Variants in ZBTB16 observed in about 807,000 individuals in gnomAD.
The protein encoded by ZBTB16 is zinc finger and BTB domain containing 16.
In ZBTB16, 8 loss-of-function variants were observed where a neutral mutation model predicts 56.8. The observed-to-expected ratio is 0.14, with a 90% CI of 0.08 to 0.25. The LOEUF (loss-of-function observed/expected upper bound fraction) is 0.25, where lower values mean the gene tolerates loss of function less well. Among genes scored for constraint, ZBTB16 ranks in the 10% least tolerant of loss-of-function variants. The pLI, the probability that ZBTB16 is intolerant of heterozygous loss-of-function variation, is 1.00. For synonymous variants in ZBTB16, 363 were observed against 368.5 expected, an observed-to-expected ratio of 0.98 and a Z score of 0.17; for missense variants, 625 against 903.0, an observed-to-expected ratio of 0.69 and a Z score of 3.95.
At chr11:114,115,235 C>T (rs556885999) in intron 2 of ZBTB16, among the ~76,000 whole-genome samples, 57 of 152,000 alleles carry the variant, frequency 3.8e-4, no homozygotes, top group African/African-American at 1.1e-3. Context: ...TGAGCAGGGA[C>T]GGTGTATGTC....
chr11:114,247,511 G>T, intron 6 of ZBTB16, 146 bp downstream of exon 6: 1 of 1,178,410 alleles, frequency 8.5e-7, no homozygotes, highest in Non-Finnish European at 1.2e-6. Flanking sequence ...TGGTATGGTG[G>T]CCTGAGGACC....
At chr11:114,134,454 C>T (rs930255007) in intron 2 of ZBTB16, among the ~76,000 whole-genome samples, 1 of 151,982 alleles carries the variant, frequency 6.6e-6, no homozygotes, top group Non-Finnish European at 1.5e-5. Context: ...GGCTTAGAAG[C>T]TCATTTGTCT....
At chr11:114,085,910 C>T (rs551008767) in intron 2 of ZBTB16, among the ~76,000 whole-genome samples, 6 of 152,164 alleles carry the variant, frequency 3.9e-5, no homozygotes, top group Admixed American at 2.6e-4. Context: ...TGGATCATTG[C>T]GATATTATTG....
intron 4 of ZBTB16, among the ~76,000 whole-genome samples, chr11:114,233,103 A>G (rs1215420472): frequency 9.5e-5 from 4 of 42,018 alleles, no homozygotes; most frequent in South Asian, 1.1e-3. Flanking sequence ...ACACACACAC[A>G]CACACACACA....
At chr11:114,231,351 A>G (rs1472616259) in intron 4 of ZBTB16, among the ~76,000 whole-genome samples, 1 of 151,964 alleles carries the variant, frequency 6.6e-6, no homozygotes, top group Non-Finnish European at 1.5e-5. Flanking sequence ...GGTCTTCTCT[A>G]TCATTCTGCT....
chr11:114,239,224 C>T (rs1235459431), intron 4 of ZBTB16, among the ~76,000 whole-genome samples: 1 of 152,158 alleles, frequency 6.6e-6, no homozygotes, highest in Non-Finnish European at 1.5e-5. Context: ...GCTGAGATGT[C>T]CTATTGGGAA....
chr11:114,119,622 A>G (rs1941285674), intron 2 of ZBTB16, among the ~76,000 whole-genome samples: 1 of 152,046 alleles, frequency 6.6e-6, no homozygotes, highest in Non-Finnish European at 1.5e-5. Flanking sequence ...ATGGATAGAA[A>G]ACTTCTGTTT....
intron 2 of ZBTB16, among the ~76,000 whole-genome samples, chr11:114,135,995 C>G (rs1041675385): frequency 3.3e-5 from 5 of 152,210 alleles, no homozygotes; most frequent in Admixed American, 1.3e-4. Flanking sequence ...GGGGGAGATT[C>G]CTTTTCTTCG....
intron 2 of ZBTB16, among the ~76,000 whole-genome samples, chr11:114,145,351 A>G (rs1213494314): frequency 2.0e-5 from 3 of 152,274 alleles, no homozygotes; most frequent in African/African-American, 4.8e-5. Flanking sequence ...GTCCACACAT[A>G]AAACTTGTAC....
chr11:114,218,387 GC>G (rs1944156874), intron 4 of ZBTB16, among the ~76,000 whole-genome samples: 1 of 152,194 alleles, frequency 6.6e-6, no homozygotes, highest in South Asian at 2.1e-4. Flanking sequence ...CCCCACTGGG[GC>G]TTTACATTTC....
rs542798566 is a variant in ZBTB16 at position 114,092,521 on chromosome 11, AC to A, written c.1268+27957del. On this transcript the variant is annotated intron_variant, in intron 2 of 6. Coordinates refer to ENST00000335953, the MANE Select transcript of ZBTB16 (RefSeq NM_006006.6). ...TGGTTGAGGATACAGTGCAGAGAAG[AC>A]CCCGCTGTCCTCTGCTCCCCCTCCT... Among the ~76,000 whole-genome samples, 149 of 152,178 alleles carry A rather than the reference AC, an allele frequency of 9.8e-4. 1 individual carries two copies. The highest frequency in any genetic ancestry group is 3.3e-3 in the African/African-American group (137 of 41,502).
At chr11:114,230,339 A>G (rs1332260693) in intron 4 of ZBTB16, among the ~76,000 whole-genome samples, 1 of 152,138 alleles carries the variant, frequency 6.6e-6, no homozygotes, top group African/African-American at 2.4e-5. Flanking sequence ...GACCAACTCC[A>G]TGAGCTCGAC....
intron 2 of ZBTB16, among the ~76,000 whole-genome samples, chr11:114,110,483 G>A (rs534248410): frequency 5.3e-5 from 8 of 152,294 alleles, no homozygotes; most frequent in East Asian, 3.9e-4. Flanking sequence ...AGAATTTGCC[G>A]ATGCCAAGGC....
chr11:114,217,958 G>A (rs1165263746), intron 4 of ZBTB16, among the ~76,000 whole-genome samples: 1 of 152,204 alleles, frequency 6.6e-6, no homozygotes, highest in Non-Finnish European at 1.5e-5. Context: ...TCTCCAGGGT[G>A]AGGAGCGCTC....
At chr11:114,082,295 A>G (rs1939795102) in intron 2 of ZBTB16, among the ~76,000 whole-genome samples, 1 of 151,980 alleles carries the variant, frequency 6.6e-6, no homozygotes, top group Non-Finnish European at 1.5e-5. Context: ...CAACACAACA[A>G]CAACAACAAC....
At chr11:114,212,291 C>T (rs188043858) in intron 4 of ZBTB16, among the ~76,000 whole-genome samples, 102 of 152,126 alleles carry the variant, frequency 6.7e-4, no homozygotes, top group Admixed American at 1.8e-3. Context: ...TTTTGTGTCC[C>T]AAGAAGCTGG....
chr11:114,243,852 T>C (rs1216078346), intron 5 of ZBTB16, among the ~76,000 whole-genome samples: 1 of 152,178 alleles, frequency 6.6e-6, no homozygotes, highest in East Asian at 1.9e-4. Context: ...TGTGCCCTGC[T>C]CTGACCATGC....
intron 3 of ZBTB16, among the ~76,000 whole-genome samples, chr11:114,170,822 G>A (rs1248020444): frequency 1.3e-5 from 2 of 152,142 alleles, no homozygotes; most frequent in African/African-American, 4.8e-5. Context: ...AGGTAACTCC[G>A]GGTAAAGACA....
intron 2 of ZBTB16, among the ~76,000 whole-genome samples, chr11:114,066,961 A>G: frequency 6.6e-6 from 1 of 151,828 alleles, no homozygotes; most frequent in East Asian, 1.9e-4. Context: ...TAGTAGAGAC[A>G]GGGTTTCACC....
Sources: gnomAD v4.1 joint callset for allele counts (sites outside exome capture counted in the v4.1 genomes callset) on GRCh38, gnomAD v4.1.1 for gene constraint, MANE v1.5 for transcripts, NCBI Gene and HGNC (gene_info 2026-07-23, HGNC 2026-07-21) for gene names.